The following ITPR1 variants were observed in gnomAD, a reference collection of about 807,000 sequenced individuals.
The protein encoded by ITPR1 is inositol 1,4,5-trisphosphate-gated calcium channel ITPR1.
Under a neutral mutation model 318.4 loss-of-function variants are expected in ITPR1, and 96 were observed. The observed-to-expected ratio is 0.30, with a 90% CI of 0.26 to 0.36. The LOEUF (loss-of-function observed/expected upper bound fraction) is 0.36. Among genes scored for constraint, ITPR1 ranks in the 10% least tolerant of loss-of-function variants. The pLI, the probability that ITPR1 is intolerant of heterozygous loss-of-function variation, is 1.00. For synonymous variants in ITPR1, 1,312 were observed against 1,289.9 expected, an observed-to-expected ratio of 1.02 and a Z score of -0.37; for missense variants, 2,440 against 3,460.2, an observed-to-expected ratio of 0.71 and a Z score of 7.40.
At chr3:4,843,234 G>T (rs1310154096) in intron 61 of ITPR1, among the ~76,000 whole-genome samples, 2 of 152,066 alleles carry the variant, frequency 1.3e-5, no homozygotes, top group Non-Finnish European at 2.9e-5. Flanking sequence ...AAAGGCCATG[G>T]TTAATCAAAA....
At chr3:4,725,631 C>A (rs764446050) in intron 41 of ITPR1, 50 bp downstream of exon 41, 18 of 1,493,280 alleles carry the variant, frequency 1.2e-5, no homozygotes, top group Non-Finnish European at 1.5e-5. Flanking sequence ...AATATGGATG[C>A]CTCTCAGTTG....
At chr3:4,528,075 A>G (rs367628241) in intron 4 of ITPR1, among the ~76,000 whole-genome samples, 10 of 152,154 alleles carry the variant, frequency 6.6e-5, no homozygotes, top group Middle Eastern at 3.2e-3. Flanking sequence ...TAGGTTAAAT[A>G]TAGGGGAAAG....
At position 4,499,662 on chromosome 3, in the gene ITPR1, A is replaced by T. The variant is rs12633218; in HGVS notation, c.-17+5156A>T. Among the ~76,000 whole-genome samples, 140 of 152,074 alleles carry T rather than the reference A, an allele frequency of 9.2e-4. 2 individuals are homozygous for T. The highest frequency in any genetic ancestry group is 4.6e-3 in the Admixed American group (71 of 15,292). ...TTTTCCATGCATTTTTTTTGTTGTT[A>T]TCGAAGAAACTGGGTGATACACGTC... is the stretch of plus-strand genomic sequence containing the variant. On this transcript the variant is annotated intron_variant, in intron 2 of 61. Coordinates refer to ENST00000649015, the MANE Select transcript of ITPR1 (RefSeq NM_001378452.1).
At chr3:4,504,326 A>G (rs1166553124) in intron 2 of ITPR1, among the ~76,000 whole-genome samples, 2 of 152,144 alleles carry the variant, frequency 1.3e-5, no homozygotes, top group African/African-American at 2.4e-5. Context: ...GAGAATGAGC[A>G]ACGTTGTATT....
chr3:4,509,052 C>G (rs114886028), intron 2 of ITPR1, among the ~76,000 whole-genome samples: 41 of 152,244 alleles, frequency 2.7e-4, no homozygotes, highest in Non-Finnish European at 4.4e-5. Flanking sequence ...TCATTTCAGA[C>G]TCATTCAGAC....
chr3:4,645,970 G>A (rs2093446880), intron 10 of ITPR1: 2 of 455,598 alleles, frequency 4.4e-6, no homozygotes, highest in Non-Finnish European at 7.9e-6. Flanking sequence ...TGAAGTAAGT[G>A]CATCATGGCA....
At chr3:4,601,409 C>G (rs1281833911) in intron 4 of ITPR1, among the ~76,000 whole-genome samples, 1 of 151,092 alleles carries the variant, frequency 6.6e-6, no homozygotes, top group Non-Finnish European at 1.5e-5. Flanking sequence ...GTCCCAGCTA[C>G]TCGGGAGGCT....
chr3:4,841,627 C>T lies in ITPR1; in HGVS notation c.8191-4512C>T, dbSNP rs563356692. 1.8e-4 allele frequency among the ~76,000 whole-genome samples: 28 copies of T among 152,240 alleles called. 1 individual carries two copies. Among genetic ancestry groups the T allele is most frequent in the South Asian group, 2.1e-4 (1 of 4,820 alleles). ...TAATTAAACTTGGTGAGTGTGTAAC[C>T]GAGCTGTGAACACATTGCTCTGGGA... On this transcript the variant is annotated intron_variant, in intron 61 of 61. Coordinates refer to ENST00000649015, the MANE Select transcript of ITPR1 (RefSeq NM_001378452.1).
At chr3:4,734,448 G>A (rs2043136545) in intron 43 of ITPR1, among the ~76,000 whole-genome samples, 1 of 152,178 alleles carries the variant, frequency 6.6e-6, no homozygotes, top group South Asian at 2.1e-4. Context: ...ATTGAGTTCT[G>A]CACGAAAGGA....
At chr3:4,744,061 C>T (rs1006975197) in intron 44 of ITPR1, among the ~76,000 whole-genome samples, 7 of 152,152 alleles carry the variant, frequency 4.6e-5, no homozygotes, top group Non-Finnish European at 7.3e-5. Context: ...GTCTTGAGCT[C>T]CAGACGTCAA....
chr3:4,550,696 A>T (rs573084989), intron 4 of ITPR1, among the ~76,000 whole-genome samples: 3 of 152,262 alleles, frequency 2.0e-5, no homozygotes, highest in Admixed American at 2.0e-4. Context: ...CCTGGGCAAC[A>T]TAGTGAGATC....
intron 60 of ITPR1, among the ~76,000 whole-genome samples, chr3:4,822,493 G>A (rs1029076640): frequency 1.3e-5 from 2 of 152,146 alleles, no homozygotes; most frequent in African/African-American, 2.4e-5. Context: ...TGACGTTAGC[G>A]TTCTTTTCTC....
chr3:4,577,234 A>G (rs888286766), intron 4 of ITPR1, among the ~76,000 whole-genome samples: 1 of 152,234 alleles, frequency 6.6e-6, no homozygotes, highest in Non-Finnish European at 1.5e-5. Flanking sequence ...GTGCAGCTGC[A>G]GTGTTTGAAT....
intron 4 of ITPR1, among the ~76,000 whole-genome samples, chr3:4,565,329 C>G (rs145877545): frequency 3.3e-5 from 5 of 152,258 alleles, no homozygotes; most frequent in Non-Finnish European, 5.9e-5. Context: ...CTGCCCTAGC[C>G]ACTAATAGCA....
intron 4 of ITPR1, among the ~76,000 whole-genome samples, chr3:4,557,429 A>T (rs997755089): frequency 2.0e-5 from 3 of 152,140 alleles, no homozygotes; most frequent in Non-Finnish European, 4.4e-5. Flanking sequence ...GGGAGCTACA[A>T]TTCAAGATGA....
At chr3:4,504,140 A>C (rs304029) in intron 2 of ITPR1, among the ~76,000 whole-genome samples, 53,368 of 152,118 alleles carry the variant, frequency 0.35, 9,651 homozygotes, top group Admixed American at 0.41. Context: ...GGCTTCTCTT[A>C]CTTTGGCCTT....
intron 5 of ITPR1, among the ~76,000 whole-genome samples, chr3:4,636,615 G>T (rs1381127599): frequency 1.3e-5 from 2 of 152,176 alleles, no homozygotes; most frequent in African/African-American, 4.8e-5. Flanking sequence ...TTTTAGTAGA[G>T]ACAGCGTTTC....
chr3:4,510,183 A>G (rs1335697706), intron 2 of ITPR1, among the ~76,000 whole-genome samples: 1 of 152,158 alleles, frequency 6.6e-6, no homozygotes, highest in African/African-American at 2.4e-5. Context: ...GCTGAGAGAC[A>G]GCATGTGCAA....
At chr3:4,829,719 C>T (rs1029151998) in intron 60 of ITPR1, among the ~76,000 whole-genome samples, 4 of 152,058 alleles carry the variant, frequency 2.6e-5, no homozygotes, top group African/African-American at 9.7e-5. Flanking sequence ...TAATGTCCCT[C>T]CATCATTTGC....
Sources: gnomAD v4.1 joint callset for allele counts (sites outside exome capture counted in the v4.1 genomes callset) on GRCh38, gnomAD v4.1.1 for gene constraint, MANE v1.5 for transcripts, NCBI Gene and HGNC (gene_info 2026-07-23, HGNC 2026-07-21) for gene names.